Variants in TNS2 observed in about 807,000 individuals in gnomAD.
TNS2 encodes the protein tensin-2.
TNS2 carries 77 observed loss-of-function variants against 155.7 expected under a neutral mutation model. That is an observed-to-expected ratio of 0.49 (90% CI 0.41 to 0.60). The LOEUF (loss-of-function observed/expected upper bound fraction) is 0.60, where lower values mean the gene tolerates loss of function less well. Ranked by LOEUF, TNS2 falls within the 20% of genes least tolerant of loss-of-function variation. The pLI is 0.00. For synonymous variants in TNS2, 726 were observed against 763.9 expected (o/e 0.95, Z 0.82); for missense variants, 1,703 against 1,868.8 (o/e 0.91, Z 1.64).
Position 53,062,627 on chromosome 12 carries a change from G to A in TNS2, c.3753G>A (p.Leu1251=). The change falls in exon 25 of 29, where the codon CTG becomes CTA. Residue 1251 remains leucine (L), a synonymous_variant. Transcript: ENST00000314250. ...GGTTCTCATTGCCCTCAGATCCTCT[G>A]GAAGAGACCCCAGAGGCTCCAGTGC... ...CCLRIPSKDP[L]EETPEAPVPT... is the part of the protein sequence containing the mutation. 1 of 1,614,028 alleles carries A rather than the reference G, an allele frequency of 6.2e-7. No individual in the cohort carries two copies. Among genetic ancestry groups the A allele is most frequent in the Non-Finnish European group, 8.5e-7 (1 of 1,179,958 alleles).
intron 5 of TNS2, 45 bp downstream of exon 5, chr12:53,053,857 A>T (rs748798182): frequency 3.4e-5 from 55 of 1,613,724 alleles, no homozygotes; most frequent in Non-Finnish European, 2.9e-5. Flanking sequence ...TAGCTTTGGG[A>T]GTAAGGATCT....
chr12:53,058,567 C>T lies in TNS2; in HGVS notation c.1226-5C>T. 1 of 1,614,092 alleles carries T rather than the reference C, an allele frequency of 6.2e-7. No homozygotes were observed. The highest frequency in any genetic ancestry group is 2.2e-5 in the East Asian group (1 of 44,884). ...GCCTGGTTCTTCACTGTCCACTCCC[C>T]ATAGATGAGAGGTTCCCCTTCCAAG... On this transcript the variant is annotated splice_polypyrimidine_tract_variant and splice_region_variant and intron_variant, in intron 15 of 28. Coordinates refer to ENST00000314250, the MANE Select transcript of TNS2 (RefSeq NM_170754.4).
chr12:53,064,093 T>A lies in TNS2; in HGVS notation c.*211T>A. ...CAGGCCCACAAGATGACCTTGCATG[T>A]GAGCAGATGGCAGAGATGGGTGTGT... On this transcript the variant is annotated 3_prime_UTR_variant, in exon 29 of 29. Coordinates refer to ENST00000314250, the MANE Select transcript of TNS2 (RefSeq NM_170754.4). The A allele has an allele frequency of 1.7e-6, 1 of 586,326 alleles. No individual in the cohort carries two copies. Among genetic ancestry groups the A allele is most frequent in the Non-Finnish European group, 3.0e-6 (1 of 336,936 alleles). The allele number at this position is 586,326 out of a possible 1,614,324, so 36.3% of individuals were successfully genotyped here.
chr12:53,063,310 T>C lies in TNS2; in HGVS notation c.3993-39T>C, dbSNP rs373659893. 2.0e-5 allele frequency: 33 copies of C among 1,613,906 alleles called. No homozygotes were observed. The highest frequency in any genetic ancestry group is 2.7e-5 in the African/African-American group (2 of 74,908). On this transcript the variant is annotated intron_variant, in intron 26 of 28. Coordinates refer to ENST00000314250, the MANE Select transcript of TNS2 (RefSeq NM_170754.4). The surrounding 1 kb of genome is among the most constrained non-coding windows in gnomAD (Gnocchi z 5.6). ...CATGCTTAAGGCCCCTGGGGGCTCA[T>C]GTTTCTGAGTGTGACCTTCCTCACC...
Position 53,060,974 on chromosome 12 carries a change from C to G in TNS2, c.3068C>G (p.Pro1023Arg), listed in dbSNP as rs1320125783. ...GCCCCCTGGCAAGGCCCTCGAGGCC[C>G]CCCCGACAGCCCAGATGGGTCTCCC... ...RHAPWQGPRG[P>R]PDSPDGSPLT... The change falls in exon 20 of 29, where the codon CCC (proline) becomes CGC (arginine). Residue 1023 changes from proline (P) to arginine (R), a missense_variant. Coordinates refer to ENST00000314250, the MANE Select transcript of TNS2 (RefSeq NM_170754.4). The surrounding 1 kb of genome is among the most constrained non-coding windows in gnomAD (Gnocchi z 6.1). The G allele has an allele frequency of 1.2e-6, 2 of 1,609,748 alleles. No individual in the cohort carries two copies. Among genetic ancestry groups the G allele is most frequent in the South Asian group, 1.1e-5 (1 of 90,610 alleles).
rs113829803 is a variant in TNS2 at position 53,051,920 on chromosome 12, A to G, written c.141A>G (p.Ala47=). 6.7e-4 allele frequency: 1,084 copies of G among 1,613,692 alleles called. 3 individuals carry two copies. Among genetic ancestry groups the G allele is most frequent in the Middle Eastern group, 3.5e-3 (21 of 6,058 alleles). Residue 47 remains alanine, a synonymous_variant, in exon 2 of 29, where the codon GCA becomes GCG. Coordinates refer to ENST00000314250, the MANE Select transcript of TNS2 (RefSeq NM_170754.4). ...TCCGGAAGAAACCTCCAGTCTGTGC[A>G]GTATGTAAGGTGACCATCGATGGGA... is the stretch of plus-strand genomic sequence containing the variant. ...KVFRKKPPVC[A]VCKVTIDGTG...
In TNS2 at chr12:53,060,921, G is replaced by A. The variant is rs1267465414; in HGVS notation, c.3015G>A (p.Val1005=). 2.1e-5 allele frequency: 34 copies of A among 1,596,500 alleles called. No homozygotes were observed. In the Admixed American group the frequency reaches 5.9e-4, roughly 28 times the overall value. The change falls in exon 20 of 29, where the codon GTG becomes GTA. Residue 1005 remains valine, a synonymous_variant. Transcript: ENST00000314250. The surrounding 1 kb of genome is among the most constrained non-coding windows in gnomAD (Gnocchi z 6.1). ...ATGGCGCCAGTCCTCGGAGCCCTGT[G>A]CCCACCACACTTCCTGGCCTCCGCC... ...HSDGASPRSP[V]PTTLPGLRHA... is the part of the protein sequence containing the mutation.
chr12:53,060,312 G>A lies in TNS2; in HGVS notation c.2617+54G>A. On this transcript the variant is annotated intron_variant, in intron 18 of 28. Coordinates refer to ENST00000314250, the MANE Select transcript of TNS2 (RefSeq NM_170754.4). The surrounding 1 kb of genome is among the most constrained non-coding windows in gnomAD (Gnocchi z 6.1). ...AGGGCAGAGGAGGTTCTGGAAGATG[G>A]TGGGGAAGTCAAGGGGGAACAGGGT... 6.4e-7 allele frequency: 1 copy of A among 1,553,952 alleles called. No homozygotes were observed. The highest frequency in any genetic ancestry group is 8.7e-7 in the Non-Finnish European group (1 of 1,148,218).
At position 53,057,010 on chromosome 12, in the gene TNS2, C is replaced by T; in HGVS notation, c.762-3C>T. 1 of 1,612,986 alleles carries T rather than the reference C, an allele frequency of 6.2e-7. No individual in the cohort carries two copies. The highest frequency in any genetic ancestry group is 2.2e-5 in the East Asian group (1 of 44,858). On this transcript the variant is annotated splice_region_variant and splice_polypyrimidine_tract_variant and intron_variant, in intron 10 of 28. Transcript: ENST00000314250. Reference sequence around the variant, plus strand: ...TCCCCAACACTGGCCTTGCTATCCCCAGGGCGGACCAGGCACTGGCCACTC... The same window carrying T: ...TCCCCAACACTGGCCTTGCTATCCCTAGGGCGGACCAGGCACTGGCCACTC...
intron 21 of TNS2, 110 bp from the exon 22 acceptor site, chr12:53,061,705 C>A (rs917226594): frequency 1.3e-6 from 2 of 1,518,450 alleles, no homozygotes; most frequent in Admixed American, 4.2e-5. Flanking sequence ...GCCACCACAG[C>A]TGTCAGGGCA....
rs1944053571 is a variant in TNS2, at chr12:53,054,378, G to A, written c.459G>A (p.Arg153=). Residue 153 remains arginine, a synonymous_variant, in exon 7 of 29, where the codon CGG becomes CGA. Transcript: ENST00000314250. ...TCCCCGCGCGGCCCGATGAACAGCG[G>A]CACCGGGGCCACCTGCGCGAGCTGG... The part of the protein sequence containing the change: ...AAFPARPDEQ[R]HRGHLRELAH... The A allele has an allele frequency of 1.2e-6, 2 of 1,611,784 alleles. No individual in the cohort carries two copies. Among genetic ancestry groups the A allele is most frequent in the Non-Finnish European group, 1.7e-6 (2 of 1,179,530 alleles).
chr12:53,053,286 C>T, intron 3 of TNS2, 125 bp from the exon 4 acceptor site: 1 of 1,104,174 alleles, frequency 9.1e-7, no homozygotes, highest in Non-Finnish European at 1.4e-6. Flanking sequence ...GCAACCTCAG[C>T]TGGAGCCTGT....
rs774090679 is a variant in TNS2, at chr12:53,061,195, C to T, written c.3289C>T (p.Pro1097Ser). ...GPWGPEQASS[P>S]ARGISHHVTF... ...CTGGGGCCCAGAGCAGGCATCATCGCCAGCCAGAGGCATCAGTCACCATGT... is the reference window on the plus strand; with the variant it reads ...CTGGGGCCCAGAGCAGGCATCATCGTCAGCCAGAGGCATCAGTCACCATGT... The change falls in exon 20 of 29, where the codon CCA becomes TCA. Residue 1097 changes from proline to serine, a missense_variant. Coordinates refer to ENST00000314250, the MANE Select transcript of TNS2 (RefSeq NM_170754.4). 5.7e-6 allele frequency: 9 copies of T among 1,584,078 alleles called. No individual in the cohort carries two copies. In the East Asian group the frequency reaches 1.8e-4, roughly 32 times the overall value.
Position 53,057,658 on chromosome 12 carries a change from C to T in TNS2, c.937C>T (p.Pro313Ser), listed in dbSNP as rs944580250. The T allele has an allele frequency of 6.2e-7, 1 of 1,614,052 alleles. No individual in the cohort carries two copies. The highest frequency in any genetic ancestry group is 1.3e-5 in the African/African-American group (1 of 74,934). The change falls in exon 12 of 29, where the codon CCA becomes TCA. Residue 313 changes from proline to serine, a missense_variant. Coordinates refer to ENST00000314250, the MANE Select transcript of TNS2 (RefSeq NM_170754.4). Reference protein sequence around the residue: ...FLHYVLIPMLPAFEPGTGFQP... With the variant: ...FLHYVLIPMLSAFEPGTGFQP... ...GCACTATGTGCTCATCCCCATGCTG[C>T]CAGCCTTTGAACCTGGCACAGGTGA... is the stretch of plus-strand genomic sequence containing the variant.
chr12:53,061,228 G>C lies in TNS2; in HGVS notation c.3322G>C (p.Ala1108Pro), dbSNP rs370316540. Residue 1108 changes from alanine to proline, a missense_variant, in exon 20 of 29, where the codon GCA becomes CCA. By Grantham distance (27) the Ala-to-Pro change is conservative. Coordinates refer to ENST00000314250, the MANE Select transcript of TNS2 (RefSeq NM_170754.4). Reference protein sequence around the residue: ...ARGISHHVTFAPLLSDNVPQT... With the variant: ...ARGISHHVTFPPLLSDNVPQT... Reference sequence around the variant, plus strand: ...AGGCATCAGTCACCATGTCACCTTCGCACCTCTGCTCTCAGATAATGTCCC... The same window carrying C: ...AGGCATCAGTCACCATGTCACCTTCCCACCTCTGCTCTCAGATAATGTCCC... 1.3e-6 allele frequency: 2 copies of C among 1,569,892 alleles called. No homozygotes were observed. Among genetic ancestry groups the C allele is most frequent in the African/African-American group, 1.4e-5 (1 of 73,878 alleles).
chr12:53,058,697 C>G lies in TNS2; in HGVS notation c.1292-17C>G. 1 of 1,613,972 alleles carries G rather than the reference C, an allele frequency of 6.2e-7. No individual in the cohort carries two copies. Among genetic ancestry groups the G allele is most frequent in the Non-Finnish European group, 8.5e-7 (1 of 1,179,970 alleles). On this transcript the variant is annotated splice_polypyrimidine_tract_variant and intron_variant, in intron 16 of 28. Coordinates refer to ENST00000314250, the MANE Select transcript of TNS2 (RefSeq NM_170754.4). ...CGCCTCTCCCCTGCTCCCCAATACC[C>G]GAGTGGCCTTCCACAGGCAGCACTC...
In TNS2 at chr12:53,062,651, G is replaced by A. The variant is rs985356556; in HGVS notation, c.3777G>A (p.Val1259=). The A allele has an allele frequency of 6.2e-7, 1 of 1,614,036 alleles. No homozygotes were observed. Among genetic ancestry groups the A allele is most frequent in the Admixed American group, 1.7e-5 (1 of 60,016 alleles). ...TGGAAGAGACCCCAGAGGCTCCAGT[G>A]CCCACCAACATGAGCACAGCGGCAG... ...DPLEETPEAP[V]PTNMSTAADL... Residue 1259 remains valine, a synonymous_variant, in exon 25 of 29, where the codon GTG becomes GTA. Transcript: ENST00000314250.
At chr12:53,056,860 C>A in intron 10 of TNS2, 153 bp from the exon 11 acceptor site, 1 of 656,128 alleles carries the variant, frequency 1.5e-6, no homozygotes, top group Non-Finnish European at 2.6e-6. Context: ...AGTAAAGTGA[C>A]TGTACATGGT....
chr12:53,051,984 ACT>A, intron 2 of TNS2, 21 bp downstream of exon 2: 1 of 1,589,498 alleles, frequency 6.3e-7, no homozygotes, highest in Non-Finnish European at 8.6e-7. Context: ...CTGTCCTGTG[ACT>A]CTGAGACCCT....
Sources: allele counts gnomAD v4.1 joint callset, GRCh38; gene constraint gnomAD v4.1.1; non-coding constraint Gnocchi (gnomAD v3.1); transcripts MANE v1.5; gene names NCBI Gene and HGNC (gene_info 2026-07-23, HGNC 2026-07-21).